PTPRT: variants seen among roughly 807,000 people sequenced by gnomAD.
PTPRT encodes the protein receptor-type tyrosine-protein phosphatase T.
Under a neutral mutation model 176.8 loss-of-function variants are expected in PTPRT, and 56 were observed. That is an observed-to-expected ratio of 0.32 (90% confidence interval 0.26 to 0.40). The LOEUF is 0.40. Ranked by LOEUF, PTPRT falls within the 10% of genes least tolerant of loss-of-function variation. The pLI is 1.00. For missense variants in PTPRT, 1,540 were observed against 1,908.2 expected (o/e 0.81, Z 3.60); for synonymous variants, 783 against 739.0 (o/e 1.06, Z -0.96).
chr20:42,134,699 G>C (rs1028001174), intron 18 of PTPRT, among the ~76,000 whole-genome samples: 1 of 152,156 alleles, frequency 6.6e-6, no homozygotes, highest in African/African-American at 2.4e-5. Flanking sequence ...GATTTCTGTG[G>C]TGTAAATACT....
intron 1 of PTPRT, among the ~76,000 whole-genome samples, chr20:43,128,511 G>A (rs2013532283): frequency 6.6e-6 from 1 of 152,140 alleles, no homozygotes; most frequent in South Asian, 2.1e-4. Flanking sequence ...CAACCACTAT[G>A]GGGGCCCCAA....
At chr20:42,373,517 G>A (rs573420373) in intron 9 of PTPRT, among the ~76,000 whole-genome samples, 23 of 152,246 alleles carry the variant, frequency 1.5e-4, no homozygotes, top group African/African-American at 3.4e-4. Context: ...CCTGTCTCCC[G>A]CATGGATGCA....
rs369460525 is a variant in PTPRT, at chr20:43,108,844, A to T, written c.88+80802T>A. ...AATGGGACAATCAAAATAAAATTTT[A>T]AGGTCTGAAATTTAAAAAAGGCTTC... On this transcript the variant is annotated intron_variant, in intron 1 of 30. Transcript: ENST00000373187. 4.6e-5 allele frequency among the ~76,000 whole-genome samples: 7 copies of T among 152,310 alleles called. 1 individual carries two copies. In the East Asian group the frequency reaches 9.6e-4, roughly 21 times the overall value.
rs944284481 is a variant in PTPRT at position 42,339,576 on chromosome 20, C to G, written c.1865+11052G>C. 2.6e-5 allele frequency among the ~76,000 whole-genome samples: 4 copies of G among 152,310 alleles called. No homozygotes were observed. The East Asian group carries it at 7.7e-4, about 29-fold the overall frequency. On this transcript the variant is annotated intron_variant, in intron 11 of 30. Transcript: ENST00000373187. ...CTTGGTTCCCTGTACAGGTTCCTTT[C>G]TCCATACCTGAGGCCACCCATAGGC...
intron 16 of PTPRT, among the ~76,000 whole-genome samples, chr20:42,184,697 G>A (rs916011036): frequency 6.7e-6 from 1 of 148,734 alleles, no homozygotes; most frequent in Non-Finnish European, 1.5e-5. Context: ...GCATGATCTC[G>A]GTTCACTGTA....
At chr20:42,909,180 A>T (rs1054730597) in intron 1 of PTPRT, among the ~76,000 whole-genome samples, 12 of 152,130 alleles carry the variant, frequency 7.9e-5, no homozygotes, top group African/African-American at 2.9e-4. Context: ...ACATACATAT[A>T]TACATACATA....
At chr20:43,124,658 A>G (rs979712183) in intron 1 of PTPRT, among the ~76,000 whole-genome samples, 4 of 152,260 alleles carry the variant, frequency 2.6e-5, no homozygotes, top group Non-Finnish European at 5.9e-5. Flanking sequence ...TCACGCATTC[A>G]ACGATCCAAC....
At position 42,084,789 on chromosome 20, in the gene PTPRT, G is replaced by A. The variant is rs749785345; in HGVS notation, c.4029C>T (p.Tyr1343=). 8.4e-6 allele frequency: 13 copies of A among 1,550,780 alleles called. No individual in the cohort carries two copies. The highest frequency in any genetic ancestry group is 1.8e-5 in the Admixed American group (1 of 55,764). Reference sequence around the variant, plus strand: ...AGCGCTTGGAGGGGGGCGTGTCCCGGTAGGCAGGCCAGCCAATGTACTGGA... The same window carrying A: ...AGCGCTTGGAGGGGGGCGTGTCCCGATAGGCAGGCCAGCCAATGTACTGGA... The part of the protein sequence containing the change: ...QHLQYIGWPA[Y]RDTPPSKRSL... Residue 1343 remains tyrosine (Y), a synonymous_variant, in exon 29 of 31, where the codon TAC becomes TAT. Transcript: ENST00000373187.
At chr20:42,204,222 T>A (rs2146698823) in intron 15 of PTPRT, among the ~76,000 whole-genome samples, 1 of 151,924 alleles carries the variant, frequency 6.6e-6, no homozygotes, top group South Asian at 2.1e-4. Context: ...TTTGCAGAAT[T>A]AACAAAATAT....
chr20:42,326,463 A>T (rs1016372534), intron 11 of PTPRT, among the ~76,000 whole-genome samples: 6 of 152,232 alleles, frequency 3.9e-5, no homozygotes, highest in Non-Finnish European at 8.8e-5. Context: ...AGACTGTTAA[A>T]ATTAATAAAA....
chr20:42,165,382 G>A (rs182665573), intron 16 of PTPRT, among the ~76,000 whole-genome samples: 1 of 152,224 alleles, frequency 6.6e-6, no homozygotes, highest in Non-Finnish European at 1.5e-5. Context: ...AGCCCTTGAA[G>A]GAGGGGAGAA....
chr20:42,776,689 A>G (rs973610819), intron 4 of PTPRT, among the ~76,000 whole-genome samples: 7 of 150,714 alleles, frequency 4.6e-5, no homozygotes, highest in Non-Finnish European at 8.9e-5. Flanking sequence ...GCATATAATT[A>G]TATAATCATA....
chr20:42,276,947 G>A (rs983373174), intron 13 of PTPRT, among the ~76,000 whole-genome samples: 2 of 152,084 alleles, frequency 1.3e-5, no homozygotes, highest in African/African-American at 2.4e-5. Context: ...GCTGGTCCCT[G>A]CAGGAGTGAG....
At chr20:42,585,772 T>G (rs1194206945) in intron 7 of PTPRT, among the ~76,000 whole-genome samples, 7 of 152,210 alleles carry the variant, frequency 4.6e-5, no homozygotes, top group African/African-American at 1.7e-4. Flanking sequence ...TATTTGTGAT[T>G]ATTATGTAAT....
At chr20:42,996,495 C>T (rs1568724387) in intron 1 of PTPRT, among the ~76,000 whole-genome samples, 3 of 152,188 alleles carry the variant, frequency 2.0e-5, no homozygotes, top group African/African-American at 7.2e-5. Context: ...AAATGAAAAG[C>T]TAGCTCTCCT....
chr20:43,118,746 C>T (rs1325346573), intron 1 of PTPRT, among the ~76,000 whole-genome samples: 3 of 152,136 alleles, frequency 2.0e-5, no homozygotes, highest in Non-Finnish European at 4.4e-5. Flanking sequence ...CCATATATTC[C>T]CATTTTATAA....
intron 6 of PTPRT, among the ~76,000 whole-genome samples, chr20:42,726,590 T>C (rs1569114582): frequency 6.6e-6 from 1 of 152,228 alleles, no homozygotes; most frequent in Non-Finnish European, 1.5e-5. Flanking sequence ...ACTGTCAGCT[T>C]TGTGACCCTG....
chr20:42,317,122 A>C (rs979531017), intron 11 of PTPRT, among the ~76,000 whole-genome samples: 2 of 152,222 alleles, frequency 1.3e-5, no homozygotes, highest in Non-Finnish European at 2.9e-5. Flanking sequence ...ATTAAAATTG[A>C]AAGCAAACAT....
rs181028798 is a variant in PTPRT at position 43,033,042 on chromosome 20, C to T, written c.89-147110G>A. 1.5e-3 allele frequency among the ~76,000 whole-genome samples: 221 copies of T among 152,228 alleles called. 1 individual carries two copies. Among genetic ancestry groups the T allele is most frequent in the Non-Finnish European group, 2.6e-3 (179 of 68,014 alleles). ...GTGTGTCTGTGTGGTGTGTGCGGTACCTGAGACCTCCCAAAGAAGACAACT... is the reference window on the plus strand; with the variant it reads ...GTGTGTCTGTGTGGTGTGTGCGGTATCTGAGACCTCCCAAAGAAGACAACT... On this transcript the variant is annotated intron_variant, in intron 1 of 30. Transcript: ENST00000373187.
Sources: allele counts gnomAD v4.1 joint callset (sites outside exome capture counted in the v4.1 genomes callset), GRCh38; gene constraint gnomAD v4.1.1; transcripts MANE v1.5; gene names NCBI Gene and HGNC (gene_info 2026-07-23, HGNC 2026-07-21).